MYH8: variants seen among roughly 807,000 people sequenced by gnomAD.
The protein encoded by MYH8 is myosin heavy chain 8.
MYH8 carries 168 observed loss-of-function variants against 233.2 expected under a neutral mutation model. The observed-to-expected ratio is 0.72, with a 90% CI of 0.64 to 0.82. The LOEUF (loss-of-function observed/expected upper bound fraction) is 0.82. Among genes scored for constraint, MYH8 ranks in the 40% least tolerant of loss-of-function variants. The pLI is 0.00. For missense variants in MYH8, 1,995 were observed against 2,327.8 expected (o/e 0.86, Z 2.94); for synonymous variants, 785 against 850.6 (o/e 0.92, Z 1.34).
chr17:10,421,817 C>T (rs1201734117), intron 1 of MYH8, 111 bp from the exon 2 acceptor site: 1 of 152,160 alleles, frequency 6.6e-6, no homozygotes, highest in Non-Finnish European at 1.5e-5. Context: ...AAGCTTGGTT[C>T]TATGAAGACA....
Position 10,394,272 on chromosome 17 carries a change from G to A in MYH8, c.5143C>T (p.Arg1715Cys), listed in dbSNP as rs376736272. ...AEQELLDASE[R>C]VQLLHTQNTS... The stretch of plus-strand genomic sequence containing the variant: ...ACCTGGGTGTGGAGGAGCTGGACAC[G>A]CTCACTGGCATCCAGGAGCTCCTGT... The change falls in exon 35 of 40, where the codon CGT (arginine) becomes TGT (cysteine). Residue 1715 changes from arginine to cysteine, a missense_variant. Physicochemically the swap from Arg to Cys is radical, Grantham distance 180 (BLOSUM62 -3). This residue lies in a region of MYH8 where 1,498 missense variants were observed against 1,680.9 expected (regional missense o/e 0.89). Transcript: ENST00000403437. The A allele has an allele frequency of 6.8e-6, 11 of 1,613,870 alleles. No homozygotes were observed. The highest frequency in any genetic ancestry group is 3.3e-5 in the South Asian group (3 of 91,068).
Position 10,396,422 on chromosome 17 carries a change from C to T in MYH8, c.4561G>A (p.Glu1521Lys), listed in dbSNP as rs2072078729. ...EISDLTEQIA[E>K]GGKQIHELEK... ...AATTCATGAATTTGCTTTCCTCCCTCTGCAATCTGCTCAGTGAGGTCAGAA... is the reference window on the plus strand; with the variant it reads ...AATTCATGAATTTGCTTTCCTCCCTTTGCAATCTGCTCAGTGAGGTCAGAA... The change falls in exon 33 of 40, where the codon GAG becomes AAG. Residue 1521 changes from glutamate (E) to lysine (K), a missense_variant. By Grantham distance (56) the Glu-to-Lys change is moderately conservative. Transcript: ENST00000403437. This position sits in a 1 kb window ranked among gnomAD's most constrained non-coding sequence, Gnocchi z 4.2. The T allele has an allele frequency of 6.2e-7, 1 of 1,614,112 alleles. No individual in the cohort carries two copies. The highest frequency in any genetic ancestry group is 1.1e-5 in the South Asian group (1 of 91,066).
chr17:10,397,073 C>A (rs1405917286), intron 30 of MYH8, 87 bp from the exon 31 acceptor site: 5 of 1,403,676 alleles, frequency 3.6e-6, no homozygotes, highest in Non-Finnish European at 3.9e-6. Context: ...AGTCCTATTT[C>A]TTTTCTTTTC....
rs541931160 is a variant in MYH8 at position 10,409,302 on chromosome 17, G to C, written c.1874C>G (p.Ser625Cys). 1.9e-6 allele frequency: 3 copies of C among 1,614,236 alleles called. No homozygotes were observed. In the South Asian group the frequency reaches 3.3e-5, roughly 18 times the overall value. Residue 625 changes from serine (S) to cysteine (C), a missense_variant, in exon 16 of 40, where the codon TCC (serine) becomes TGC (cysteine). Ser to Cys is a moderately radical substitution (Grantham distance 112). Around this residue, in one of 3 missense-constraint regions of MYH8, gnomAD observed 1,498 missense variants for 1,680.9 expected, o/e 0.89. Coordinates refer to ENST00000403437, the MANE Select transcript of MYH8 (RefSeq NM_002472.3). ...ACCTGCTTCAGCACTAGCATACGTG[G>C]AAAAGAGACTGGCTAGAGTCTTCAT... Reference protein sequence around the residue: ...SAMKTLASLFSTYASAEADSS... With the variant: ...SAMKTLASLFCTYASAEADSS...
chr17:10,394,330 C>G lies in MYH8; in HGVS notation c.5085G>C (p.Leu1695=). The G allele has an allele frequency of 6.2e-7, 1 of 1,614,102 alleles. No homozygotes were observed. Residue 1695 remains leucine (L), a synonymous_variant, in exon 35 of 40, where the codon CTG becomes CTC. Coordinates refer to ENST00000403437, the MANE Select transcript of MYH8 (RefSeq NM_002472.3). ...TTTTCCTGCTTCTCTCTGTCTGTTC[C>G]AGAGTGGCCCACAGCTCCTCGATCT... The part of the protein sequence containing the change: ...QAEIEELWAT[L]EQTERSRKIA...
At chr17:10,420,396 C>A (rs1340940263) in intron 2 of MYH8, 139 bp from the exon 3 acceptor site, 3 of 778,096 alleles carry the variant, frequency 3.9e-6, no homozygotes, top group Non-Finnish European at 6.4e-6. Flanking sequence ...AGTGTTCTAA[C>A]ATAGTCTAAA....
At chr17:10,397,795 C>G (rs1200376389) in intron 30 of MYH8, among the ~76,000 whole-genome samples, 1 of 152,090 alleles carries the variant, frequency 6.6e-6, no homozygotes, top group African/African-American at 2.4e-5. Flanking sequence ...AGAGAATAGC[C>G]AGTTTCTTCT....
chr17:10,395,981 C>A (rs985884443), intron 33 of MYH8, among the ~76,000 whole-genome samples: 3 of 151,928 alleles, frequency 2.0e-5, no homozygotes, highest in African/African-American at 7.3e-5. Flanking sequence ...ATTGTATATG[C>A]AAATTTGTGT....
At position 10,412,518 on chromosome 17, in the gene MYH8, A is replaced by C. The variant is rs747960533; in HGVS notation, c.1268T>G (p.Val423Gly). ...GGCCAGAGCACCCACCGCATTGTAC[A>C]CCTTCACAGATAGAGTAATGTTTGT... ...YVTKGQTVQQ[V>G]YNAVGALAKA... Residue 423 changes from valine (V) to glycine (G), a missense_variant and splice_region_variant, in exon 14 of 40, where the codon GTG (valine) becomes GGG (glycine). Transcript: ENST00000403437. The C allele has an allele frequency of 1.5e-5, 24 of 1,614,092 alleles. No individual in the cohort carries two copies. In the Admixed American group the frequency reaches 4.0e-4, roughly 27 times the overall value.
Position 10,420,396 on chromosome 17 carries a change from C to CATAGTCTA in MYH8, c.-30-147_-30-140dup, listed in dbSNP as rs2072327553. On this transcript the variant is annotated intron_variant, in intron 2 of 39. Transcript: ENST00000403437. ...AAACTGGCACTCCCCAGTGTTCTAA[C>CATAGTCTA]ATAGTCTAAAGGACAAGTATGGAGT... 3.9e-6 allele frequency: 3 copies of CATAGTCTA among 778,214 alleles called. No homozygotes were observed. In the African/African-American group the frequency reaches 5.1e-5, roughly 13 times the overall value. 48.2% of individuals were successfully genotyped at this position (778,214 alleles called of 1,614,324 possible).
intron 9 of MYH8, among the ~76,000 whole-genome samples, 159 bp from the exon 10 acceptor site, chr17:10,414,643 T>C (rs1179586052): frequency 6.6e-6 from 1 of 152,226 alleles, no homozygotes; most frequent in Non-Finnish European, 1.5e-5. Context: ...TCTCACTGTC[T>C]AAGGGCAGCA....
In MYH8 at chr17:10,409,347, C is replaced by A. The variant is rs2072223418; in HGVS notation, c.1829G>T (p.Gly610Val). The A allele has an allele frequency of 6.2e-7, 1 of 1,614,056 alleles. No homozygotes were observed. Among genetic ancestry groups the A allele is most frequent in the African/African-American group, 1.3e-5 (1 of 74,916 alleles). Residue 610 changes from glycine (G) to valine (V), a missense_variant, in exon 16 of 40, where the codon GGG becomes GTG. Gly to Val is a moderately radical substitution (Grantham distance 109). Around this residue, in one of 3 missense-constraint regions of MYH8, gnomAD observed 1,498 missense variants for 1,680.9 expected, o/e 0.89. Transcript: ENST00000403437. ...CTTCATTGCAGACTTCTGGTACAGCCCAACCACAGTATCATTCAGGGGGTC... is the reference window on the plus strand; with the variant it reads ...CTTCATTGCAGACTTCTGGTACAGCACAACCACAGTATCATTCAGGGGGTC... The part of the protein sequence containing the change: ...NKDPLNDTVV[G>V]LYQKSAMKTL...
At position 10,415,407 on chromosome 17, in the gene MYH8, C is replaced by A; in HGVS notation, c.649-23G>T. On this transcript the variant is annotated intron_variant, in intron 7 of 39. Transcript: ENST00000403437. The surrounding 1 kb of genome is among the most constrained non-coding windows in gnomAD (Gnocchi z 4.1). ...CCCCTGCAAAGGAAGGAGCAGTTCT[C>A]ACATCTGGGACTCCAGATGTCTGAG... 6.2e-7 allele frequency: 1 copy of A among 1,613,468 alleles called. No individual in the cohort carries two copies. The highest frequency in any genetic ancestry group is 8.5e-7 in the Non-Finnish European group (1 of 1,179,400).
intron 22 of MYH8, among the ~76,000 whole-genome samples, chr17:10,403,954 A>G (rs1329711245): frequency 1.3e-5 from 2 of 152,174 alleles, no homozygotes; most frequent in Non-Finnish European, 2.9e-5. Flanking sequence ...AGAAATAAAT[A>G]AGTTTGAATT....
intron 39 of MYH8, among the ~76,000 whole-genome samples, 198 bp downstream of exon 39, chr17:10,391,680 AAAAT>A (rs1416655415): frequency 6.6e-6 from 1 of 152,170 alleles, no homozygotes. Context: ...GCTCTGTGTC[AAAAT>A]AAATAAATAA....
At position 10,419,056 on chromosome 17, in the gene MYH8, C is replaced by A. The variant is rs201938799; in HGVS notation, c.211-26G>T. On this transcript the variant is annotated intron_variant, in intron 3 of 39. Transcript: ENST00000403437. This position sits in a 1 kb window ranked among gnomAD's most constrained non-coding sequence, Gnocchi z 4.0. ...CTGGTGAGTAAGCAAGAAACCAGTTCGTTTTTGTTTGTTTGTTTGAGATAG... is the reference window on the plus strand; with the variant it reads ...CTGGTGAGTAAGCAAGAAACCAGTTAGTTTTTGTTTGTTTGTTTGAGATAG... 2.3e-5 allele frequency: 37 copies of A among 1,613,690 alleles called. No homozygotes were observed. Among genetic ancestry groups the A allele is most frequent in the Non-Finnish European group, 1.1e-5 (13 of 1,179,838 alleles).
At position 10,400,452 on chromosome 17, in the gene MYH8, T is replaced by C; in HGVS notation, c.3673A>G (p.Ser1225Gly). The C allele has an allele frequency of 6.2e-7, 1 of 1,614,014 alleles. No homozygotes were observed. The highest frequency in any genetic ancestry group is 8.5e-7 in the Non-Finnish European group (1 of 1,179,944). The change falls in exon 27 of 40, where the codon AGT (serine) becomes GGT (glycine). Residue 1225 changes from serine (S) to glycine (G), a missense_variant. Physicochemically the swap from Ser to Gly is moderately conservative, Grantham distance 56. Coordinates refer to ENST00000403437, the MANE Select transcript of MYH8 (RefSeq NM_002472.3). The surrounding 1 kb of genome is among the most constrained non-coding windows in gnomAD (Gnocchi z 4.0). Reference sequence around the variant, plus strand: ...TCATCAGTCTCCATCTTCAGCTCACTCTTCTCCTTCTCCAGCTTCTGTTTG... The same window carrying C: ...TCATCAGTCTCCATCTTCAGCTCACCCTTCTCCTTCTCCAGCTTCTGTTTG... ...RVKQKLEKEK[S>G]ELKMETDDLS...
At chr17:10,401,024 T>A in intron 25 of MYH8, 22 bp downstream of exon 25, 1 of 1,614,012 alleles carries the variant, frequency 6.2e-7, no homozygotes, top group South Asian at 1.1e-5. Context: ...CACATAGAAG[T>A]TTTTTTCTAA....
intron 17 of MYH8, 133 bp downstream of exon 17, chr17:10,408,964 C>A: frequency 1.2e-6 from 1 of 806,852 alleles, no homozygotes; most frequent in South Asian, 1.6e-5. Flanking sequence ...ATTTCTTTGG[C>A]TATACTCTGA....
Sources: allele counts gnomAD v4.1 joint callset (sites outside exome capture counted in the v4.1 genomes callset), GRCh38; gene constraint gnomAD v4.1.1; regional missense constraint gnomAD v4.1.1; non-coding constraint Gnocchi (gnomAD v3.1); transcripts MANE v1.5; gene names NCBI Gene and HGNC (gene_info 2026-07-23, HGNC 2026-07-21).